The following MYT1L variants were observed in gnomAD, a reference collection of about 807,000 sequenced individuals.
MYT1L encodes myelin transcription factor 1 like.
MYT1L carries 12 observed loss-of-function variants against 126.7 expected under a neutral mutation model. The observed-to-expected ratio is 0.09, with a 90% CI of 0.06 to 0.15. MYT1L has a LOEUF of 0.15. Among genes scored for constraint, MYT1L ranks in the 10% least tolerant of loss-of-function variants. The pLI is 1.00. For missense variants in MYT1L, 979 were observed against 1,585.2 expected (o/e 0.62, Z 6.49); for synonymous variants, 541 against 604.2 (o/e 0.90, Z 1.53).
chr2:2,173,070 T>G (rs896353852), intron 2 of MYT1L, 82 bp from the exon 3 acceptor site: 3 of 152,254 alleles, frequency 2.0e-5, no homozygotes, highest in Non-Finnish European at 2.9e-5. Context: ...CCCTGTGCTG[T>G]GACACTCACA....
intron 2 of MYT1L, among the ~76,000 whole-genome samples, chr2:2,227,718 T>A (rs1362655350): frequency 1.3e-5 from 2 of 152,208 alleles, no homozygotes; most frequent in African/African-American, 4.8e-5. Context: ...TACCATTGTT[T>A]TAGAGCTAGG....
chr2:2,136,652 TA>T (rs1289998743), intron 3 of MYT1L, among the ~76,000 whole-genome samples: 2 of 152,192 alleles, frequency 1.3e-5, no homozygotes, highest in African/African-American at 4.8e-5. Context: ...AGTAAATCCA[TA>T]TTATTCTTAC....
At chr2:1,968,845 G>C (rs2059591046) in intron 8 of MYT1L, among the ~76,000 whole-genome samples, 1 of 152,180 alleles carries the variant, frequency 6.6e-6, no homozygotes, top group South Asian at 2.1e-4. Flanking sequence ...TGTCCACTGG[G>C]GATATGTGGA....
chr2:1,797,304 A>G (rs1287548893), intron 23 of MYT1L, among the ~76,000 whole-genome samples: 2 of 152,230 alleles, frequency 1.3e-5, no homozygotes, highest in South Asian at 2.1e-4. Flanking sequence ...GCTCTCTGCA[A>G]GCTCCACCTC....
chr2:2,085,833 C>T (rs1484595809), intron 3 of MYT1L, among the ~76,000 whole-genome samples: 3 of 152,284 alleles, frequency 2.0e-5, no homozygotes, highest in Admixed American at 1.3e-4. Context: ...TCTGAGACAC[C>T]GCGCTCTCAG....
chr2:1,920,044 T>C (rs2053372689), intron 10 of MYT1L, among the ~76,000 whole-genome samples: 1 of 152,170 alleles, frequency 6.6e-6, no homozygotes, highest in Non-Finnish European at 1.5e-5. Context: ...TGAATATAAC[T>C]ACAGACATCT....
intron 14 of MYT1L, among the ~76,000 whole-genome samples, chr2:1,900,834 G>T (rs1316041239): frequency 1.3e-5 from 2 of 152,178 alleles, no homozygotes; most frequent in Non-Finnish European, 2.9e-5. Context: ...CTGCTCAATA[G>T]ATGCTTGTTT....
In MYT1L at chr2:2,251,668, T is replaced by C. The variant is rs1397298251; in HGVS notation, c.-421+32736A>G. 3.3e-5 allele frequency among the ~76,000 whole-genome samples: 5 copies of C among 152,172 alleles called. No individual in the cohort carries two copies. The East Asian group carries it at 5.8e-4, about 18-fold the overall frequency. ...CAGTTTTCACTAGGTTATTCCAAGCTACTAGTTGACAGTTGATGCAATGAC... is the reference window on the plus strand; with the variant it reads ...CAGTTTTCACTAGGTTATTCCAAGCCACTAGTTGACAGTTGATGCAATGAC... On this transcript the variant is annotated intron_variant, in intron 2 of 24. Transcript: ENST00000647738.
intron 3 of MYT1L, among the ~76,000 whole-genome samples, chr2:2,054,555 CAG>C (rs2069242340): frequency 6.6e-6 from 1 of 151,164 alleles, no homozygotes; most frequent in South Asian, 2.1e-4. Context: ...GGAGATGAGA[CAG>C]ATGCAGATGA....
chr2:1,881,207 T>G (rs1415203545), intron 18 of MYT1L, among the ~76,000 whole-genome samples: 1 of 152,160 alleles, frequency 6.6e-6, no homozygotes, highest in African/African-American at 2.4e-5. Context: ...CCTCTTCCAC[T>G]GGGCCTAGGG....
At chr2:1,989,209 A>G (rs1204376629) in intron 5 of MYT1L, among the ~76,000 whole-genome samples, 5 of 152,154 alleles carry the variant, frequency 3.3e-5, no homozygotes, top group Non-Finnish European at 7.3e-5. Context: ...TGGACTCTTC[A>G]CAGTCTCCTT....
intron 22 of MYT1L, among the ~76,000 whole-genome samples, chr2:1,804,846 G>C (rs1040080077): frequency 2.0e-5 from 3 of 152,172 alleles, no homozygotes; most frequent in Non-Finnish European, 2.9e-5. Context: ...CATGTTTTCA[G>C]GGCTTGATGG....
At chr2:1,824,042 C>T (rs1188004398) in intron 21 of MYT1L, among the ~76,000 whole-genome samples, 1 of 152,164 alleles carries the variant, frequency 6.6e-6, no homozygotes, top group East Asian at 1.9e-4. Context: ...GTGGGATGCT[C>T]AGTGACTTTT....
chr2:1,946,138 C>T (rs2057197429), intron 8 of MYT1L, among the ~76,000 whole-genome samples: 2 of 152,026 alleles, frequency 1.3e-5, no homozygotes, highest in African/African-American at 4.8e-5. Flanking sequence ...CTACTGAGAA[C>T]TGAGAACTGT....
chr2:1,986,309 C>T (rs965607008), intron 5 of MYT1L, among the ~76,000 whole-genome samples: 2 of 152,130 alleles, frequency 1.3e-5, no homozygotes, highest in Non-Finnish European at 1.5e-5. Context: ...GGGAATGCCA[C>T]GTCAATGGAA....
chr2:1,933,807 C>T (rs2055350240), intron 9 of MYT1L, among the ~76,000 whole-genome samples: 3 of 152,048 alleles, frequency 2.0e-5, no homozygotes, highest in Admixed American at 1.3e-4. Flanking sequence ...ATAGGCCAAC[C>T]CACATGCGAT....
At position 1,806,528 on chromosome 2, in the gene MYT1L, TAG is replaced by T. The variant is rs2035744812; in HGVS notation, c.3172+2546_3172+2547del. ...CACCCAGTTGTTGGTTCCTCTAGTT[TAG>T]AGTCACAGACCAACTGCTTATCTTT... On this transcript the variant is annotated intron_variant, in intron 22 of 24. Coordinates refer to ENST00000647738, the MANE Select transcript of MYT1L (RefSeq NM_001303052.2). This position sits in a 1 kb window ranked among gnomAD's most constrained non-coding sequence, Gnocchi z 4.9. 6.6e-6 allele frequency among the ~76,000 whole-genome samples: 1 copy of T among 152,196 alleles called. No homozygotes were observed. The highest frequency in any genetic ancestry group is 2.1e-4 in the South Asian group (1 of 4,832).
intron 21 of MYT1L, among the ~76,000 whole-genome samples, chr2:1,817,504 G>A (rs2037853941): frequency 6.6e-6 from 1 of 152,216 alleles, no homozygotes; most frequent in African/African-American, 2.4e-5. Flanking sequence ...AAGAGTTTGG[G>A]AAACTAAATT....
intron 2 of MYT1L, among the ~76,000 whole-genome samples, chr2:2,195,784 A>G (rs150151846): frequency 1.1e-4 from 17 of 152,330 alleles, no homozygotes; most frequent in African/African-American, 4.1e-4. Context: ...GAGATTAACA[A>G]CAGAATATGA....
Sources: gnomAD v4.1 joint callset for allele counts (sites outside exome capture counted in the v4.1 genomes callset) on GRCh38, gnomAD v4.1.1 for gene constraint, Gnocchi (gnomAD v3.1) non-coding constraint, MANE v1.5 for transcripts, NCBI Gene and HGNC (gene_info 2026-07-23, HGNC 2026-07-21) for gene names.